Variants in SORCS1 observed in about 807,000 individuals in gnomAD.
SORCS1 encodes the protein sortilin related VPS10 domain containing receptor 1.
In SORCS1, 60 loss-of-function variants were observed where a neutral mutation model predicts 146.1. The ratio of observed to expected loss-of-function variants is 0.41; its 90% CI spans 0.33 to 0.51. The LOEUF (loss-of-function observed/expected upper bound fraction) is 0.51. Among genes scored for constraint, SORCS1 ranks in the 20% least tolerant of loss-of-function variants. The pLI, the probability that SORCS1 is intolerant of heterozygous loss-of-function variation, is 0.21. For synonymous variants in SORCS1, 637 were observed against 584.0 expected (o/e 1.09, Z -1.31); for missense variants, 1,352 against 1,487.6 (o/e 0.91, Z 1.50).
At chr10:106,848,931 T>G (rs1444046334) in intron 2 of SORCS1, among the ~76,000 whole-genome samples, 2 of 150,510 alleles carry the variant, frequency 1.3e-5, no homozygotes, top group Non-Finnish European at 3.0e-5. Context: ...TCTTCTGGCT[T>G]GTAGGGTTTC....
rs376746725 is a variant in SORCS1 at position 106,898,505 on chromosome 10, T to C, written c.626+58008A>G. Among the ~76,000 whole-genome samples, 4 of 152,308 alleles carry C rather than the reference T, an allele frequency of 2.6e-5. No homozygotes were observed. The South Asian group carries it at 8.3e-4, about 32-fold the overall frequency. The stretch of plus-strand genomic sequence containing the variant: ...GAGAACCATTTCAACCATTCCGAAA[T>C]GAGCATGGCACTGGAAACCTCCCAG... On this transcript the variant is annotated intron_variant, in intron 2 of 25. Coordinates refer to ENST00000263054, the MANE Select transcript of SORCS1 (RefSeq NM_052918.5).
chr10:106,789,765 C>T (rs1946224495), intron 3 of SORCS1, among the ~76,000 whole-genome samples: 1 of 152,224 alleles, frequency 6.6e-6, no homozygotes, highest in African/African-American at 2.4e-5. Context: ...TACCAGTACT[C>T]CACTCTCTGC....
chr10:106,994,478 T>C (rs1956912425), intron 1 of SORCS1, among the ~76,000 whole-genome samples: 2 of 152,144 alleles, frequency 1.3e-5, no homozygotes, highest in South Asian at 2.1e-4. Context: ...GACACAAATA[T>C]AGCAATTGAC....
rs150240342 is a variant in SORCS1 at position 107,099,535 on chromosome 10, T to C, written c.558+64434A>G. Among the ~76,000 whole-genome samples, 979 of 152,314 alleles carry C rather than the reference T, an allele frequency of 6.4e-3. 7 individuals are homozygous for C. The highest frequency in any genetic ancestry group is 0.015 in the African/African-American group (639 of 41,568). On this transcript the variant is annotated intron_variant, in intron 1 of 25. Transcript: ENST00000263054. ...AATTAAATTAAATTTAAAATTCAGA[T>C]TCTCAGTCACACTAATCACACTTAA...
At chr10:106,647,366 T>C (rs1849524586) in intron 18 of SORCS1, among the ~76,000 whole-genome samples, 1 of 148,562 alleles carries the variant, frequency 6.7e-6, no homozygotes, top group Admixed American at 6.8e-5. Context: ...ATGTTTGTTG[T>C]ATTTTGATGC....
chr10:106,894,252 T>TGC (rs1207229647), intron 2 of SORCS1, among the ~76,000 whole-genome samples: 52 of 149,738 alleles, frequency 3.5e-4, no homozygotes, highest in African/African-American at 7.7e-4. Flanking sequence ...TGTGTGTGTG[T>TGC]GCGCGCGCGC....
chr10:107,115,732 G>A (rs1965998556), intron 1 of SORCS1, among the ~76,000 whole-genome samples: 1 of 152,048 alleles, frequency 6.6e-6, no homozygotes, highest in Admixed American at 6.6e-5. Context: ...GGCAATAAAA[G>A]CAAACACAAA....
At chr10:106,688,087 G>A in intron 10 of SORCS1, 105 bp downstream of exon 10, 3 of 1,480,532 alleles carry the variant, frequency 2.0e-6, no homozygotes, top group Non-Finnish European at 2.7e-6. Flanking sequence ...ACTCCCTTTT[G>A]TTCATCAACT....
In SORCS1 at chr10:106,924,270, A is replaced by AAAAT. The variant is rs60551348; in HGVS notation, c.626+32242_626+32243insATTT. ...ACTCCATCTCAAAAAAAAAAAAAAA[A>AAAAT]CTACCTTTTAATTAAAAACAATTTG... On this transcript the variant is annotated intron_variant, in intron 2 of 25. Transcript: ENST00000263054. Among the ~76,000 whole-genome samples, 8 of 147,468 alleles carry AAAAT rather than the reference A, an allele frequency of 5.4e-5. 1 individual carries two copies. The highest frequency in any genetic ancestry group is 1.0e-4 in the Non-Finnish European group (7 of 67,212).
intron 22 of SORCS1, among the ~76,000 whole-genome samples, chr10:106,608,008 T>G (rs1038190056): frequency 2.5e-4 from 38 of 152,222 alleles, no homozygotes; most frequent in Admixed American, 7.2e-4. Context: ...ACTTCTTGTT[T>G]ATCCTAGCTC....
At chr10:107,139,536 A>G (rs190752643) in intron 1 of SORCS1, among the ~76,000 whole-genome samples, 84 of 152,326 alleles carry the variant, frequency 5.5e-4, no homozygotes, top group Non-Finnish European at 1.1e-3. Context: ...GAGAAAGAGA[A>G]AAGGAAAGAC....
chr10:107,129,391 G>A (rs193150425), intron 1 of SORCS1, among the ~76,000 whole-genome samples: 1 of 152,274 alleles, frequency 6.6e-6, no homozygotes, highest in Non-Finnish European at 1.5e-5. Context: ...AACGTTAAGA[G>A]AAATACAATG....
chr10:106,799,823 C>T (rs1438448824), intron 3 of SORCS1, among the ~76,000 whole-genome samples: 15 of 152,140 alleles, frequency 9.9e-5, no homozygotes, highest in Admixed American at 5.2e-4. Context: ...GACAGTGTGG[C>T]GATTCCTCAA....
chr10:106,623,404 G>A (rs2133523394), intron 19 of SORCS1, among the ~76,000 whole-genome samples: 1 of 152,050 alleles, frequency 6.6e-6, no homozygotes, highest in African/African-American at 2.4e-5. Flanking sequence ...ACACCACCAT[G>A]CCTGGCTAAT....
At chr10:106,595,438 T>C (rs765787907) in intron 24 of SORCS1, among the ~76,000 whole-genome samples, 19 of 152,290 alleles carry the variant, frequency 1.2e-4, no homozygotes, top group Non-Finnish European at 2.6e-4. Flanking sequence ...AAGGTCTTGA[T>C]GGCTTCCCAG....
chr10:107,065,389 T>C, intron 1 of SORCS1, among the ~76,000 whole-genome samples: 1 of 140,328 alleles, frequency 7.1e-6, no homozygotes. Context: ...TCTAATATTA[T>C]GCTGAACATT....
intron 2 of SORCS1, among the ~76,000 whole-genome samples, chr10:106,894,270 CGTGTGTGTGTGTGTGTGTGTGTGT>C (rs3982431): frequency 1.4e-5 from 2 of 141,454 alleles, no homozygotes; most frequent in Admixed American, 7.1e-5. Context: ...CGCACGTGTG[CGTGTGTGTGTGTGTGTGTGTGTGT>C]GTGTGTGTGT....
chr10:106,645,579 C>T (rs1029832737), intron 18 of SORCS1, among the ~76,000 whole-genome samples: 5 of 151,920 alleles, frequency 3.3e-5, no homozygotes, highest in African/African-American at 4.8e-5. Flanking sequence ...AGGGATGTTC[C>T]GAATTTTTTC....
intron 6 of SORCS1, among the ~76,000 whole-genome samples, chr10:106,712,502 A>T (rs1425523498): frequency 6.6e-6 from 1 of 152,186 alleles, no homozygotes; most frequent in Non-Finnish European, 1.5e-5. Context: ...GTTTATTCAA[A>T]AGAAAGCATA....
Sources: allele counts gnomAD v4.1 joint callset (sites outside exome capture counted in the v4.1 genomes callset), GRCh38; gene constraint gnomAD v4.1.1; transcripts MANE v1.5; gene names NCBI Gene and HGNC (gene_info 2026-07-23, HGNC 2026-07-21).